Variants in PMM2 observed in about 807,000 individuals in gnomAD.
The protein encoded by PMM2 is phosphomannomutase 2.
Under a neutral mutation model 33.2 loss-of-function variants are expected in PMM2, and 35 were observed. The observed-to-expected ratio is 1.06, with a 90% confidence interval of 0.81 to 1.40. PMM2 has a LOEUF of 1.40. Among genes scored for constraint, PMM2 ranks in the 40% most tolerant of loss-of-function variants. The pLI, the probability that PMM2 is intolerant of heterozygous loss-of-function variation, is 0.00. For synonymous variants in PMM2, 153 were observed against 114.7 expected, an observed-to-expected ratio of 1.33 and a Z score of -2.13; for missense variants, 386 against 306.0, an observed-to-expected ratio of 1.26 and a Z score of -1.95.
intron 3 of PMM2, 86 bp from the exon 4 acceptor site, chr16:8,806,230 C>T (rs1596486433): frequency 2.8e-5 from 23 of 831,822 alleles, no homozygotes; most frequent in South Asian, 8.0e-5. Context: ...TTTCAGCAAT[C>T]GTGGCTGAAG....
chr16:8,837,572 C>T (rs955507284), intron 7 of PMM2, among the ~76,000 whole-genome samples: 10 of 150,124 alleles, frequency 6.7e-5, no homozygotes, highest in African/African-American at 2.0e-4. Context: ...GGTTGGGGCA[C>T]GGAAATAAGG....
Position 8,848,843 on chromosome 16 carries a change from T to G in PMM2, c.*1018T>G, listed in dbSNP as rs928043107. On this transcript the variant is annotated 3_prime_UTR_variant, in exon 8 of 8. Coordinates refer to ENST00000268261, the MANE Select transcript of PMM2 (RefSeq NM_000303.3). ...TACCACGGAGGCGGCTGAGTGCAGC[T>G]ACAGCTAGGTCCGCGTCCCTCACTC... 1.3e-5 allele frequency: 2 copies of G among 152,262 alleles called. No individual in the cohort carries two copies. The highest frequency in any genetic ancestry group is 2.9e-5 in the Non-Finnish European group (2 of 68,054). The allele number at this position is 152,262 out of a possible 1,614,324, so 9.4% of individuals were successfully genotyped here.
chr16:8,806,636 G>T, intron 4 of PMM2: 1 of 573,898 alleles, frequency 1.7e-6, no homozygotes, highest in Non-Finnish European at 3.1e-6. Context: ...TCACAGCAGG[G>T]TTCAGTAGCC....
At position 8,835,937 on chromosome 16, in the gene PMM2, G is replaced by A. The variant is rs564723241; in HGVS notation, c.640-11787G>A. On this transcript the variant is annotated intron_variant, in intron 7 of 7. Coordinates refer to ENST00000268261, the MANE Select transcript of PMM2 (RefSeq NM_000303.3). ...TTGGGAAGAAGGGCGGCAATGAGAT[G>A]TAGCTGTAGTTCAGGAATACTCAGG... Among the ~76,000 whole-genome samples the A allele has an allele frequency of 1.2e-4, 18 of 151,900 alleles. No homozygotes were observed. The South Asian group carries it at 2.7e-3, about 23-fold the overall frequency.
intron 7 of PMM2, among the ~76,000 whole-genome samples, chr16:8,824,304 G>T (rs1471410798): frequency 1.3e-5 from 2 of 152,106 alleles, no homozygotes; most frequent in Non-Finnish European, 2.9e-5. Flanking sequence ...GTACCCATTA[G>T]AGTACTATAT....
At chr16:8,831,248 T>A (rs1044696281) in intron 7 of PMM2, among the ~76,000 whole-genome samples, 1 of 152,310 alleles carries the variant, frequency 6.6e-6, no homozygotes, top group African/African-American at 2.4e-5. Flanking sequence ...CAAGATGGAG[T>A]CAGGCCAGAT....
At chr16:8,801,374 C>T (rs943280762) in intron 1 of PMM2, among the ~76,000 whole-genome samples, 1 of 152,128 alleles carries the variant, frequency 6.6e-6, no homozygotes, top group Non-Finnish European at 1.5e-5. Flanking sequence ...ACTTAATTGG[C>T]ATGTATGAAA....
chr16:8,820,313 G>C (rs952636836), intron 7 of PMM2, among the ~76,000 whole-genome samples: 1 of 151,162 alleles, frequency 6.6e-6, no homozygotes, highest in African/African-American at 2.4e-5. Context: ...TGAGGACAGT[G>C]ACAGTGACCT....
chr16:8,833,921 T>G lies in PMM2; in HGVS notation c.640-13803T>G, dbSNP rs184438817. Among the ~76,000 whole-genome samples the G allele has an allele frequency of 8.5e-5, 13 of 152,132 alleles. No homozygotes were observed. The East Asian group carries it at 2.5e-3, about 29-fold the overall frequency. On this transcript the variant is annotated intron_variant, in intron 7 of 7. Transcript: ENST00000268261. The stretch of plus-strand genomic sequence containing the variant: ...GGATAGCACCAGGAGATATCAGCTG[T>G]GATGGCTTGGAGAAACAGTGTAAAC...
chr16:8,838,494 C>T (rs912719209), intron 7 of PMM2, among the ~76,000 whole-genome samples: 11 of 151,700 alleles, frequency 7.3e-5, no homozygotes, highest in Non-Finnish European at 1.0e-4. Context: ...ACAGAATGGG[C>T]GATGTTTCTC....
In PMM2 at chr16:8,804,787, G is replaced by A. The variant is rs1318611010; in HGVS notation, c.199G>A (p.Val67Met). The change falls in exon 3 of 8, where the codon GTG (valine) becomes ATG (methionine). Residue 67 changes from valine to methionine, a missense_variant. Val to Met is a conservative substitution (Grantham distance 21). Transcript: ENST00000268261. ...TGTAGTGGTTGAAAAATACGATTATGTGTTTCCAGAAAATGGCTTGGTAGC... is the reference window on the plus strand; with the variant it reads ...TGTAGTGGTTGAAAAATACGATTATATGTTTCCAGAAAATGGCTTGGTAGC... ...GNDVVEKYDY[V>M]FPENGLVAYK... The A allele has an allele frequency of 2.5e-6, 4 of 1,612,948 alleles. No individual in the cohort carries two copies. Among genetic ancestry groups the A allele is most frequent in the Non-Finnish European group, 3.4e-6 (4 of 1,179,078 alleles).
At chr16:8,846,517 C>G (rs1406890723) in intron 7 of PMM2, among the ~76,000 whole-genome samples, 3 of 152,198 alleles carry the variant, frequency 2.0e-5, no homozygotes, top group Middle Eastern at 6.8e-3. Flanking sequence ...TAACCTGATT[C>G]ATTAACGTGA....
intron 1 of PMM2, among the ~76,000 whole-genome samples, chr16:8,799,647 A>G (rs2060600976): frequency 6.6e-6 from 1 of 152,052 alleles, no homozygotes; most frequent in Admixed American, 6.5e-5. Flanking sequence ...TCCCAGGTTC[A>G]AGCAATTCTC....
chr16:8,804,040 T>TTTTTG (rs1433152418), intron 2 of PMM2, among the ~76,000 whole-genome samples: 16 of 70,350 alleles, frequency 2.3e-4, no homozygotes, highest in Admixed American at 1.5e-3. Flanking sequence ...TGTTTTTTTT[T>TTTTTG]TTTTTTTTTT....
At chr16:8,820,192 G>C (rs1332537220) in intron 7 of PMM2, among the ~76,000 whole-genome samples, 1 of 152,046 alleles carries the variant, frequency 6.6e-6, no homozygotes, top group East Asian at 1.9e-4. Context: ...GTGAAATTCT[G>C]TCTCAATAAA....
intron 2 of PMM2, among the ~76,000 whole-genome samples, chr16:8,804,019 TGG>T (rs756065198): frequency 8.9e-6 from 1 of 112,988 alleles, no homozygotes; most frequent in Non-Finnish European, 1.8e-5. Context: ...TTTTGTTTTT[TGG>T]GTTTTTTTTG....
At chr16:8,829,978 G>A (rs76819543) in intron 7 of PMM2, among the ~76,000 whole-genome samples, 1 of 152,224 alleles carries the variant, frequency 6.6e-6, no homozygotes, top group East Asian at 1.9e-4. Flanking sequence ...CCACCTAATA[G>A]AGCTAGAGAT....
At position 8,806,393 on chromosome 16, in the gene PMM2, A is replaced by C; in HGVS notation, c.333A>C (p.Lys111Asn). The change falls in exon 4 of 8, where the codon AAA becomes AAC. Residue 111 changes from lysine (K) to asparagine (N), a missense_variant. Coordinates refer to ENST00000268261, the MANE Select transcript of PMM2 (RefSeq NM_000303.3). ...NYCLSYIAKI[K>N]LPKKRGTFIE... ...GTCTGAGCTACATTGCGAAAATTAA[A>C]CTCCCGAAGAAGAGGTGGGTTTGCT... 2 of 1,611,324 alleles carry C rather than the reference A, an allele frequency of 1.2e-6. No homozygotes were observed. The highest frequency in any genetic ancestry group is 1.1e-5 in the South Asian group (1 of 91,016).
At chr16:8,843,664 A>C (rs190850952) in intron 7 of PMM2, among the ~76,000 whole-genome samples, 14 of 152,148 alleles carry the variant, frequency 9.2e-5, no homozygotes, top group South Asian at 4.1e-4. Flanking sequence ...AAGGAATTGC[A>C]ACTTTTTTCT....
Sources: allele counts gnomAD v4.1 joint callset (sites outside exome capture counted in the v4.1 genomes callset), GRCh38; gene constraint gnomAD v4.1.1; transcripts MANE v1.5; gene names NCBI Gene and HGNC (gene_info 2026-07-23, HGNC 2026-07-21).